Variants in TMEFF2 observed in about 807,000 individuals in gnomAD.
The protein encoded by TMEFF2 is transmembrane protein with EGF like and two follistatin like domains 2.
Under a neutral mutation model 53.8 loss-of-function variants are expected in TMEFF2, and 28 were observed. The observed-to-expected ratio is 0.52, with a 90% confidence interval of 0.39 to 0.71. The LOEUF is 0.71. Ranked by LOEUF, TMEFF2 falls within the 30% of genes least tolerant of loss-of-function variation. TMEFF2 has a pLI of 0.00. For synonymous variants in TMEFF2, 162 were observed against 166.3 expected, an observed-to-expected ratio of 0.97 and a Z score of 0.20; for missense variants, 353 against 455.2, an observed-to-expected ratio of 0.78 and a Z score of 2.04.
intron 4 of TMEFF2, among the ~76,000 whole-genome samples, chr2:192,124,362 T>G (rs1370631987): frequency 6.6e-6 from 1 of 152,232 alleles, no homozygotes; most frequent in Non-Finnish European, 1.5e-5. Flanking sequence ...TCTCAGCAGT[T>G]ATAAACAGCA....
intron 4 of TMEFF2, among the ~76,000 whole-genome samples, chr2:192,173,882 G>A (rs536701033): frequency 4.2e-4 from 64 of 151,744 alleles, no homozygotes; most frequent in African/African-American, 1.4e-3. Flanking sequence ...TAAACCCTTC[G>A]GAGAAATTAT....
chr2:192,062,325 C>G (rs1674022814), intron 4 of TMEFF2, among the ~76,000 whole-genome samples: 1 of 152,076 alleles, frequency 6.6e-6, no homozygotes, highest in Non-Finnish European at 1.5e-5. Context: ...TTGCATGTAT[C>G]AATAGTTTAT....
At position 191,998,365 on chromosome 2, in the gene TMEFF2, A is replaced by C. The variant is rs1437498614; in HGVS notation, c.686-44T>G. On this transcript the variant is annotated intron_variant, in intron 6 of 9. Transcript: ENST00000272771. Reference sequence around the variant, plus strand: ...AATAAAAATTGATTAACTGCTTCCTAAATATCTAATATCAAACTTATATAT... The same window carrying C: ...AATAAAAATTGATTAACTGCTTCCTCAATATCTAATATCAAACTTATATAT... 6 of 1,352,824 alleles carry C rather than the reference A, an allele frequency of 4.4e-6. No homozygotes were observed. The African/African-American group carries it at 7.4e-5, about 17-fold the overall frequency. The allele number at this position is 1,352,824 out of a possible 1,614,324, so 83.8% of individuals were successfully genotyped here.
chr2:191,971,486 A>C (rs1014507734), intron 7 of TMEFF2, among the ~76,000 whole-genome samples: 3 of 152,246 alleles, frequency 2.0e-5, no homozygotes, highest in African/African-American at 4.8e-5. Flanking sequence ...TATGACATTG[A>C]TAAATCAAAC....
At chr2:192,143,560 A>G (rs191601102) in intron 4 of TMEFF2, among the ~76,000 whole-genome samples, 207 of 152,270 alleles carry the variant, frequency 1.4e-3, no homozygotes, top group African/African-American at 4.8e-3. Context: ...CCTAATTTAC[A>G]TATATTGCAA....
chr2:192,003,137 C>T (rs1382705340), intron 5 of TMEFF2, among the ~76,000 whole-genome samples: 8 of 152,080 alleles, frequency 5.3e-5, no homozygotes, highest in Admixed American at 3.3e-4. Context: ...TCAATAACTA[C>T]ATGTTGGATA....
At chr2:192,029,406 CATT>C (rs747157368) in intron 5 of TMEFF2, 1 of 152,236 alleles carries the variant, frequency 6.6e-6, no homozygotes, top group Non-Finnish European at 1.5e-5. Context: ...GAGGTATAAA[CATT>C]GTTGTTTTAA....
chr2:191,985,604 T>C (rs1286431045), intron 7 of TMEFF2, among the ~76,000 whole-genome samples: 1 of 152,192 alleles, frequency 6.6e-6, no homozygotes, highest in East Asian at 1.9e-4. Flanking sequence ...TTCTTAGATA[T>C]TTTTCCCAGT....
chr2:192,101,908 C>T (rs1689039665), intron 4 of TMEFF2, among the ~76,000 whole-genome samples: 1 of 152,130 alleles, frequency 6.6e-6, no homozygotes, highest in Non-Finnish European at 1.5e-5. Context: ...TCTGGAATTC[C>T]TAAGTTCTGT....
At chr2:191,997,237 C>G (rs1285251779) in intron 7 of TMEFF2, among the ~76,000 whole-genome samples, 3 of 151,754 alleles carry the variant, frequency 2.0e-5, no homozygotes, top group Non-Finnish European at 4.4e-5. Context: ...AAAAATCCAT[C>G]TACATATTGA....
chr2:192,147,685 T>G (rs1173003266), intron 4 of TMEFF2, among the ~76,000 whole-genome samples: 1 of 152,078 alleles, frequency 6.6e-6, no homozygotes, highest in African/African-American at 2.4e-5. Flanking sequence ...ACTTGCAATT[T>G]CAACTAACCC....
intron 4 of TMEFF2, among the ~76,000 whole-genome samples, chr2:192,058,491 T>C (rs74933749): frequency 0.019 from 2,875 of 152,286 alleles, 52 homozygotes; most frequent in Middle Eastern, 0.085. Context: ...TGGTCCTTTT[T>C]TCCTCTAAAT....
intron 7 of TMEFF2, among the ~76,000 whole-genome samples, chr2:191,995,030 C>G (rs1237534622): frequency 1.3e-5 from 2 of 151,882 alleles, no homozygotes; most frequent in Non-Finnish European, 2.9e-5. Flanking sequence ...ATTTATGTGC[C>G]TTTGAGGATC....
In TMEFF2 at chr2:191,969,804, A is replaced by T. The variant is rs553862956; in HGVS notation, c.746-13426T>A. The stretch of plus-strand genomic sequence containing the variant: ...CTCTTCTCATAGTCAGGAATAAGAT[A>T]AAATTATTTAAAGAAACAAATGTAG... On this transcript the variant is annotated intron_variant, in intron 7 of 9. Transcript: ENST00000272771. Among the ~76,000 whole-genome samples, 3 of 152,370 alleles carry T rather than the reference A, an allele frequency of 2.0e-5. No individual in the cohort carries two copies. In the South Asian group the frequency reaches 6.2e-4, roughly 32 times the overall value.
chr2:191,981,858 C>T (rs1006105653), intron 7 of TMEFF2, among the ~76,000 whole-genome samples: 1 of 152,240 alleles, frequency 6.6e-6, no homozygotes, highest in South Asian at 2.1e-4. Context: ...GCTCCCTAAG[C>T]CCCTTCATCT....
intron 4 of TMEFF2, among the ~76,000 whole-genome samples, chr2:192,134,363 C>T (rs958066677): frequency 2.6e-5 from 4 of 152,192 alleles, no homozygotes; most frequent in Non-Finnish European, 5.9e-5. Context: ...TTTCCTTCTT[C>T]CCTGTTTCTC....
chr2:192,003,879 A>G (rs1203433525), intron 5 of TMEFF2, among the ~76,000 whole-genome samples: 3 of 145,574 alleles, frequency 2.1e-5, no homozygotes, highest in Non-Finnish European at 4.5e-5. Context: ...TTCATGGGGT[A>G]GAGGTGGTTT....
intron 4 of TMEFF2, among the ~76,000 whole-genome samples, chr2:192,074,875 G>A (rs1287212725): frequency 6.6e-6 from 1 of 151,818 alleles, no homozygotes; most frequent in Non-Finnish European, 1.5e-5. Flanking sequence ...TAGCATGACT[G>A]CCATTTTCAT....
chr2:192,128,898 C>T lies in TMEFF2; in HGVS notation c.439+50770G>A, dbSNP rs566183722. Among the ~76,000 whole-genome samples the T allele has an allele frequency of 2.7e-5, 4 of 146,538 alleles. No homozygotes were observed. In the East Asian group the frequency reaches 6.2e-4, roughly 23 times the overall value. ...TGCTGCAGCGGCGCATTTTGGCTTC[C>T]CCCGGGGAGGTAGCAAAACTCTCCA... On this transcript the variant is annotated intron_variant, in intron 4 of 9. Transcript: ENST00000272771.
Sources: allele counts gnomAD v4.1 joint callset (sites outside exome capture counted in the v4.1 genomes callset), GRCh38; gene constraint gnomAD v4.1.1; transcripts MANE v1.5; gene names NCBI Gene and HGNC (gene_info 2026-07-23, HGNC 2026-07-21).